The following MATR3 variants were observed in gnomAD, a reference collection of about 807,000 sequenced individuals.
MATR3 encodes matrin-3.
Under a neutral mutation model 85.5 loss-of-function variants are expected in MATR3, and 4 were observed. The observed-to-expected ratio is 0.05, with a 90% confidence interval of 0.02 to 0.11. The LOEUF (loss-of-function observed/expected upper bound fraction) is 0.11, where lower values mean the gene tolerates loss of function less well. MATR3 is among the 10% of genes least tolerant of loss of function. The pLI, the probability that MATR3 is intolerant of heterozygous loss-of-function variation, is 1.00. For synonymous variants in MATR3, 336 were observed against 343.1 expected (o/e 0.98, Z 0.23); for missense variants, 685 against 1,016.1 (o/e 0.67, Z 4.43).
intron 10 of MATR3, 37 bp downstream of exon 10, chr5:139,322,066 G>GT: frequency 6.2e-7 from 1 of 1,605,972 alleles, no homozygotes; most frequent in Non-Finnish European, 8.5e-7. Flanking sequence ...TTAACAGCTT[G>GT]TTTTTACATA....
chr5:139,290,466 T>TTTTTTTTTTTTA (rs1753837965), upstream of MATR3, among the ~76,000 whole-genome samples: 1 of 140,908 alleles, frequency 7.1e-6, no homozygotes, highest in Non-Finnish European at 1.5e-5. Flanking sequence ...TTTTTTTTTT[T>TTTTTTTTTTTTA]AACAGGGTCC....
At chr5:139,309,229 A>G (rs1428633392) in intron 2 of MATR3, among the ~76,000 whole-genome samples, 1 of 152,062 alleles carries the variant, frequency 6.6e-6, no homozygotes, top group Non-Finnish European at 1.5e-5. Flanking sequence ...TTTTTCCCCC[A>G]ATATATGGTG....
At chr5:139,288,797 C>G (rs530043876), upstream of MATR3, among the ~76,000 whole-genome samples, 1 of 152,092 alleles carries the variant, frequency 6.6e-6, no homozygotes, top group Non-Finnish European at 1.5e-5. Context: ...CCTGCCACCA[C>G]GCCCAGCTAA....
intron 3 of MATR3, chr5:139,315,047 C>A: frequency 3.7e-6 from 1 of 273,656 alleles, no homozygotes; most frequent in Non-Finnish European, 7.2e-6. Context: ...TAAACAGTAG[C>A]ATTTTTAATA....
At chr5:139,284,471 TGTG>T (rs959627190) in intron 3 of MATR3, among the ~76,000 whole-genome samples, 14 of 152,018 alleles carry the variant, frequency 9.2e-5, no homozygotes, top group Non-Finnish European at 4.4e-5. Context: ...AGCTGGGTGT[TGTG>T]GTGTATGCCT....
At chr5:139,310,620 T>C (rs1430575600) in intron 2 of MATR3, 1 of 152,170 alleles carries the variant, frequency 6.6e-6, no homozygotes, top group African/African-American at 2.4e-5. Flanking sequence ...TCTTTTTACT[T>C]AGTGGTATTG....
chr5:139,330,996 G>T lies in MATR3; in HGVS notation c.*1601G>T, dbSNP rs1443664270. 2.2e-6 allele frequency: 1 copy of T among 453,970 alleles called. No homozygotes were observed. Among genetic ancestry groups the T allele is most frequent in the Non-Finnish European group, 4.4e-6 (1 of 226,784 alleles). The allele number at this position is 453,970 out of a possible 1,614,324, so 28.1% of individuals were successfully genotyped here. On this transcript the variant is annotated 3_prime_UTR_variant, in exon 15 of 15. Coordinates refer to ENST00000394805, the MANE Select transcript of MATR3 (RefSeq NM_018834.6). ...TGTATAGATGGGGCTTTGCCATGTT[G>T]CCCAGGTTGATCTTGAATTCCTGGG...
At chr5:139,291,663 C>T (rs1259097189), upstream of MATR3, among the ~76,000 whole-genome samples, 5 of 152,126 alleles carry the variant, frequency 3.3e-5, no homozygotes, top group Admixed American at 6.5e-5. Context: ...CTCAGCCTCT[C>T]GAGTAGCTGG....
At chr5:139,276,420 A>G (rs375140937) in intron 2 of MATR3, 119 of 329,764 alleles carry the variant, frequency 3.6e-4, no homozygotes, top group African/African-American at 2.0e-3. Context: ...AGTAACACTA[A>G]CGATAACTGA....
At chr5:139,286,175 G>A (rs935340067) in intron 3 of MATR3, among the ~76,000 whole-genome samples, 5 of 152,058 alleles carry the variant, frequency 3.3e-5, no homozygotes, top group Non-Finnish European at 7.4e-5. Context: ...AGCAGCTACT[G>A]GTTAAGTTTT....
At chr5:139,274,293 C>T (rs1450545018) in intron 1 of MATR3, 1 of 353,834 alleles carries the variant, frequency 2.8e-6, no homozygotes, top group Non-Finnish European at 5.5e-6. Flanking sequence ...GCTTGGAGGG[C>T]ATCTGAAAGA....
In MATR3 at chr5:139,330,112, C is replaced by G. The variant is rs1027010429; in HGVS notation, c.*717C>G. Reference sequence around the variant, plus strand: ...ATTTTTGAGATCTTACTGCTTGTCACTTGAATCCCGTGATTGTCATACATC... The same window carrying G: ...ATTTTTGAGATCTTACTGCTTGTCAGTTGAATCCCGTGATTGTCATACATC... On this transcript the variant is annotated 3_prime_UTR_variant, in exon 15 of 15. Transcript: ENST00000394805. The G allele has an allele frequency of 2.2e-6, 1 of 454,374 alleles. No individual in the cohort carries two copies. Among genetic ancestry groups the G allele is most frequent in the Non-Finnish European group, 4.4e-6 (1 of 226,792 alleles). The allele number at this position is 454,374 out of a possible 1,614,324, so 28.1% of individuals were successfully genotyped here.
At position 139,324,650 on chromosome 5, in the gene MATR3, A is replaced by G. The variant is rs576072547; in HGVS notation, c.2149-790A>G. On this transcript the variant is annotated intron_variant, in intron 12 of 14. Coordinates refer to ENST00000394805, the MANE Select transcript of MATR3 (RefSeq NM_018834.6). ...TGAGTATTTGCTCTAAAGAGTAGGT[A>G]TTTGCAGTATACTGTCTTACAAAGG... Among the ~76,000 whole-genome samples the G allele has an allele frequency of 9.7e-4, 147 of 152,240 alleles. 1 individual carries two copies. Among genetic ancestry groups the G allele is most frequent in the Admixed American group, 2.8e-3 (43 of 15,288 alleles).
Sources: allele counts gnomAD v4.1 joint callset (sites outside exome capture counted in the v4.1 genomes callset), GRCh38; gene constraint gnomAD v4.1.1; transcripts MANE v1.5; gene names NCBI Gene and HGNC (gene_info 2026-07-23, HGNC 2026-07-21).